Variants in EYS observed in about 807,000 individuals in gnomAD.
EYS encodes protein eyes shut homolog.
EYS carries 250 observed loss-of-function variants against 282.1 expected under a neutral mutation model. That is an observed-to-expected ratio of 0.89 (90% CI 0.80 to 0.98). The LOEUF (loss-of-function observed/expected upper bound fraction) is 0.98, where lower values mean the gene tolerates loss of function less well. Ranked by LOEUF, EYS falls within the 50% of genes least tolerant of loss-of-function variation. EYS has a pLI of 0.00. For missense variants in EYS, 4,016 were observed against 3,709.0 expected (o/e 1.08, Z -2.15); for synonymous variants, 1,355 against 1,282.9 (o/e 1.06, Z -1.20).
At chr6:64,549,285 C>G (rs1277839522) in intron 26 of EYS, among the ~76,000 whole-genome samples, 6 of 152,204 alleles carry the variant, frequency 3.9e-5, no homozygotes. Flanking sequence ...GAAACAAAAA[C>G]TGACATGTTC....
intron 14 of EYS, among the ~76,000 whole-genome samples, chr6:64,976,011 A>C (rs1770465773): frequency 6.6e-6 from 1 of 151,906 alleles, no homozygotes; most frequent in Admixed American, 6.6e-5. Flanking sequence ...TTTTAAAATA[A>C]ACTAGTTTGA....
At position 64,547,958 on chromosome 6, in the gene EYS, T is replaced by A. The variant is rs182436640; in HGVS notation, c.5644+42265A>T. 9.8e-5 allele frequency among the ~76,000 whole-genome samples: 15 copies of A among 152,300 alleles called. No individual in the cohort carries two copies. The East Asian group carries it at 2.5e-3, about 26-fold the overall frequency. On this transcript the variant is annotated intron_variant, in intron 26 of 42. Coordinates refer to ENST00000503581, the MANE Select transcript of EYS (RefSeq NM_001142800.2). Reference sequence around the variant, plus strand: ...CCTCACTGCCCAGTGCCAGCAGGGCTGGCCGGCAGCTCCAAGTGCGGGACC... The same window carrying A: ...CCTCACTGCCCAGTGCCAGCAGGGCAGGCCGGCAGCTCCAAGTGCGGGACC...
At chr6:65,534,983 G>C (rs554928719) in intron 2 of EYS, among the ~76,000 whole-genome samples, 1 of 152,076 alleles carries the variant, frequency 6.6e-6, no homozygotes, top group African/African-American at 2.4e-5. Context: ...ATACTGATGA[G>C]AGACAGTCTG....
intron 29 of EYS, among the ~76,000 whole-genome samples, chr6:64,376,423 A>G (rs1202515480): frequency 6.6e-6 from 1 of 152,204 alleles, no homozygotes; most frequent in Non-Finnish European, 1.5e-5. Flanking sequence ...CTGGGGAAAA[A>G]TCAGTGTTAG....
chr6:64,877,942 A>C (rs953736720), intron 19 of EYS, among the ~76,000 whole-genome samples: 1 of 152,168 alleles, frequency 6.6e-6, no homozygotes, highest in Non-Finnish European at 1.5e-5. Context: ...TTTCCTTAAC[A>C]ATAAATGAGG....
At chr6:65,002,126 C>T (rs1771485890) in intron 13 of EYS, among the ~76,000 whole-genome samples, 1 of 146,530 alleles carries the variant, frequency 6.8e-6, no homozygotes, top group Admixed American at 6.8e-5. Context: ...TATAGTAGGG[C>T]TGCCTACATA....
chr6:64,351,691 G>T (rs529652028), intron 29 of EYS, among the ~76,000 whole-genome samples: 1 of 151,558 alleles, frequency 6.6e-6, no homozygotes, highest in East Asian at 2.0e-4. Flanking sequence ...TAGGAAGAAA[G>T]TCTATAAATA....
chr6:64,306,258 C>G (rs1026438127), intron 30 of EYS, among the ~76,000 whole-genome samples: 11 of 152,242 alleles, frequency 7.2e-5, no homozygotes, highest in Admixed American at 2.0e-4. Flanking sequence ...GGAGCAACCT[C>G]ACATTGATTA....
At chr6:64,404,892 A>C (rs1773657997) in intron 28 of EYS, among the ~76,000 whole-genome samples, 1 of 152,208 alleles carries the variant, frequency 6.6e-6, no homozygotes, top group East Asian at 1.9e-4. Flanking sequence ...ATTGATGCAG[A>C]ATCATACCAT....
At chr6:64,489,025 T>C (rs1013050929) in intron 26 of EYS, among the ~76,000 whole-genome samples, 2 of 150,878 alleles carry the variant, frequency 1.3e-5, no homozygotes, top group African/African-American at 4.8e-5. Context: ...TTTCATTATG[T>C]TATGGTAATG....
intron 22 of EYS, among the ~76,000 whole-genome samples, chr6:64,802,023 CTTTTTTTTTCTTT>C (rs1363622439): frequency 9.9e-5 from 7 of 70,798 alleles, no homozygotes; most frequent in South Asian, 6.2e-4. Context: ...ATTTCTTTTT[CTTTTTTTTTCTTT>C]TTTTTTTTTT....
intron 35 of EYS, among the ~76,000 whole-genome samples, chr6:63,932,297 G>A (rs1764918922): frequency 6.6e-6 from 1 of 152,208 alleles, no homozygotes; most frequent in East Asian, 1.9e-4. Context: ...TAAATACCAA[G>A]GTGCAGGTAT....
intron 26 of EYS, among the ~76,000 whole-genome samples, chr6:64,448,580 A>G (rs2095660): frequency 0.28 from 41,991 of 151,922 alleles, 5,885 homozygotes; most frequent in East Asian, 0.46. Context: ...CCTGACCCCC[A>G]AGTAGCCTAA....
At chr6:64,557,991 G>A (rs1452019639) in intron 26 of EYS, among the ~76,000 whole-genome samples, 2 of 152,016 alleles carry the variant, frequency 1.3e-5, no homozygotes, top group East Asian at 3.8e-4. Flanking sequence ...AGGAACATTT[G>A]TGATACTACA....
chr6:63,905,770 C>T (rs1329396651), intron 35 of EYS, among the ~76,000 whole-genome samples: 1 of 152,180 alleles, frequency 6.6e-6, no homozygotes, highest in Admixed American at 6.5e-5. Context: ...TACACTGATT[C>T]CAACCAAACG....
chr6:63,921,578 A>T (rs1030601155), intron 35 of EYS, among the ~76,000 whole-genome samples: 5 of 152,112 alleles, frequency 3.3e-5, no homozygotes, highest in Non-Finnish European at 7.4e-5. Flanking sequence ...GATCTTTGGG[A>T]CTTTGGGCCC....
At chr6:64,279,438 C>T (rs114550686) in intron 30 of EYS, among the ~76,000 whole-genome samples, 3 of 152,218 alleles carry the variant, frequency 2.0e-5, no homozygotes, top group South Asian at 2.1e-4. Flanking sequence ...GCCATGACCA[C>T]ATTCCTGTTT....
chr6:64,632,243 T>C (rs1186153145), intron 22 of EYS, among the ~76,000 whole-genome samples: 2 of 152,046 alleles, frequency 1.3e-5, no homozygotes, highest in Non-Finnish European at 2.9e-5. Context: ...TTCTTTTCCG[T>C]GATTTATCTT....
At chr6:64,544,539 A>G (rs1305503380) in intron 26 of EYS, among the ~76,000 whole-genome samples, 2 of 152,206 alleles carry the variant, frequency 1.3e-5, no homozygotes, top group African/African-American at 4.8e-5. Context: ...GAGGACATGT[A>G]GTCACTTTAA....
Sources: allele counts gnomAD v4.1 joint callset (sites outside exome capture counted in the v4.1 genomes callset), GRCh38; gene constraint gnomAD v4.1.1; transcripts MANE v1.5; gene names NCBI Gene and HGNC (gene_info 2026-07-23, HGNC 2026-07-21).